The following TBC1D12 variants were observed in gnomAD, a reference collection of about 807,000 sequenced individuals.
The protein encoded by TBC1D12 is TBC1 domain family, member 12.
TBC1D12 carries 56 observed loss-of-function variants against 86.7 expected under a neutral mutation model. That is an observed-to-expected ratio of 0.65 (90% CI 0.52 to 0.81). The LOEUF is 0.81. Ranked by LOEUF, TBC1D12 falls within the 30% of genes least tolerant of loss-of-function variation. The pLI is 0.00. For missense variants in TBC1D12, 1,023 were observed against 1,038.8 expected (o/e 0.98, Z 0.21); for synonymous variants, 421 against 411.7 (o/e 1.02, Z -0.27).
rs756822838 is a variant in TBC1D12, at chr10:94,402,712, C to G, written c.99C>G (p.Ile33Met). 14 of 1,585,696 alleles carry G rather than the reference C, an allele frequency of 8.8e-6. No individual in the cohort carries two copies. Among genetic ancestry groups the G allele is most frequent in the South Asian group, 6.8e-5 (6 of 87,914 alleles). ...PDPVGQDRKV[I>M]RATGGFGGGV... Reference sequence around the variant, plus strand: ...CCGTGGGCCAGGACAGGAAGGTAATCCGGGCCACGGGCGGCTTTGGCGGAG... The same window carrying G: ...CCGTGGGCCAGGACAGGAAGGTAATGCGGGCCACGGGCGGCTTTGGCGGAG... Residue 33 changes from isoleucine to methionine, a missense_variant, in exon 1 of 13, where the codon ATC (isoleucine) becomes ATG (methionine). By Grantham distance (10) the Ile-to-Met change is conservative. Around this residue, in one of 2 missense-constraint regions of TBC1D12, gnomAD observed 628 missense variants for 531.1 expected, o/e 1.18. Transcript: ENST00000225235.
intron 1 of TBC1D12, among the ~76,000 whole-genome samples, chr10:94,427,071 A>G (rs2055156862): frequency 6.6e-6 from 1 of 152,238 alleles, no homozygotes; most frequent in African/African-American, 2.4e-5. Flanking sequence ...GATGAAATAC[A>G]TATGAAGGTA....
At chr10:94,495,503 C>T (rs1480072243) in intron 4 of TBC1D12, among the ~76,000 whole-genome samples, 1 of 152,114 alleles carries the variant, frequency 6.6e-6, no homozygotes, top group African/African-American at 2.4e-5. Flanking sequence ...AAAATTTTTA[C>T]TATATGATTA....
intron 1 of TBC1D12, among the ~76,000 whole-genome samples, chr10:94,433,568 G>A (rs188066713): frequency 2.6e-5 from 4 of 152,230 alleles, no homozygotes; most frequent in African/African-American, 9.6e-5. Context: ...GAATATGTTT[G>A]GTAAGGATTA....
chr10:94,508,601 G>A (rs934248706), intron 7 of TBC1D12: 11 of 152,030 alleles, frequency 7.2e-5, no homozygotes, highest in Admixed American at 5.9e-4. Context: ...ATTGTAGAAT[G>A]TTCACTTGGT....
intron 2 of TBC1D12, among the ~76,000 whole-genome samples, chr10:94,449,342 T>A (rs1308074779): frequency 1.3e-5 from 2 of 152,188 alleles, no homozygotes; most frequent in Non-Finnish European, 2.9e-5. Flanking sequence ...ACTACGGTAC[T>A]CTTATATGCC....
intron 2 of TBC1D12, among the ~76,000 whole-genome samples, chr10:94,459,392 C>T (rs897168721): frequency 6.6e-6 from 1 of 152,238 alleles, no homozygotes; most frequent in Admixed American, 6.5e-5. Flanking sequence ...CATAAAAGTT[C>T]TCCAAGTCCC....
At chr10:94,475,284 A>G (rs148559107) in intron 3 of TBC1D12, among the ~76,000 whole-genome samples, 5 of 152,290 alleles carry the variant, frequency 3.3e-5, no homozygotes, top group African/African-American at 7.2e-5. Context: ...CTTTTGTACT[A>G]TGTAACTACT....
rs569982314 is a variant in TBC1D12 at position 94,405,498 on chromosome 10, G to A, written c.971+1914G>A. On this transcript the variant is annotated intron_variant, in intron 1 of 12. Transcript: ENST00000225235. ...ATATAGTTGCAAAAATATATTTAAAGCTTGTACTGGCAGTATTCTAAAAGA... is the reference window on the plus strand; with the variant it reads ...ATATAGTTGCAAAAATATATTTAAAACTTGTACTGGCAGTATTCTAAAAGA... 5.5e-4 allele frequency among the ~76,000 whole-genome samples: 84 copies of A among 152,202 alleles called. 1 individual carries two copies. Among genetic ancestry groups the A allele is most frequent in the African/African-American group, 1.9e-3 (79 of 41,520 alleles).
intron 9 of TBC1D12, among the ~76,000 whole-genome samples, chr10:94,520,400 A>G (rs112629240): frequency 3.9e-5 from 6 of 152,116 alleles, no homozygotes; most frequent in Admixed American, 1.3e-4. Flanking sequence ...TAAAAATACA[A>G]AATTAGCCGG....
intron 6 of TBC1D12, among the ~76,000 whole-genome samples, chr10:94,506,686 A>G (rs2056464623): frequency 6.6e-6 from 1 of 152,232 alleles, no homozygotes; most frequent in Admixed American, 6.5e-5. Context: ...TTTGTTGGTG[A>G]CACACACCAA....
intron 3 of TBC1D12, among the ~76,000 whole-genome samples, chr10:94,481,275 AAG>A (rs541149904): frequency 6.6e-6 from 1 of 152,000 alleles, no homozygotes; most frequent in African/African-American, 2.4e-5. Flanking sequence ...CTGTCCTTTG[AAG>A]CAGGCATTGA....
chr10:94,478,880 A>G (rs11187973), intron 3 of TBC1D12, among the ~76,000 whole-genome samples: 67,559 of 151,936 alleles, frequency 0.44, 15,365 homozygotes, highest in East Asian at 0.79. Context: ...TCGCTTGAAC[A>G]CGGAAGGTGG....
intron 6 of TBC1D12, among the ~76,000 whole-genome samples, chr10:94,502,505 G>T (rs2056411273): frequency 6.6e-6 from 1 of 151,756 alleles, no homozygotes; most frequent in African/African-American, 2.4e-5. Flanking sequence ...AGGAGTTTGG[G>T]ACCAGCCTGG....
chr10:94,421,880 T>C (rs2055078833), intron 1 of TBC1D12, among the ~76,000 whole-genome samples: 1 of 152,224 alleles, frequency 6.6e-6, no homozygotes. Context: ...GGGCTGTGTG[T>C]GTTTTTGTTG....
intron 2 of TBC1D12, among the ~76,000 whole-genome samples, chr10:94,474,318 T>G (rs919842624): frequency 7.1e-6 from 1 of 141,562 alleles, no homozygotes; most frequent in East Asian, 2.1e-4. Context: ...ATATTTATAG[T>G]TTAGGTTGCT....
chr10:94,410,962 A>C (rs2134049546), intron 1 of TBC1D12, among the ~76,000 whole-genome samples: 1 of 152,306 alleles, frequency 6.6e-6, no homozygotes, highest in East Asian at 1.9e-4. Flanking sequence ...GTGGACCACA[A>C]ATATTTACTG....
At position 94,510,118 on chromosome 10, in the gene TBC1D12, G is replaced by C; in HGVS notation, c.1628G>C (p.Ser543Thr). 6.2e-7 allele frequency: 1 copy of C among 1,609,770 alleles called. No homozygotes were observed. Among genetic ancestry groups the C allele is most frequent in the Non-Finnish European group, 8.5e-7 (1 of 1,178,992 alleles). ...GTATCTGTTGCTGATCGAGAGGCCAGTCTGGAATTAATTAAGTTGGACATA... is the reference window on the plus strand; with the variant it reads ...GTATCTGTTGCTGATCGAGAGGCCACTCTGGAATTAATTAAGTTGGACATA... Reference protein sequence around the residue: ...EGVSVADREASLELIKLDISR... With the variant: ...EGVSVADREATLELIKLDISR... The change falls in exon 8 of 13, where the codon AGT becomes ACT. Residue 543 changes from serine to threonine, a missense_variant. By Grantham distance (58) the Ser-to-Thr change is moderately conservative. Coordinates refer to ENST00000225235, the MANE Select transcript of TBC1D12 (RefSeq NM_015188.2).
chr10:94,482,417 C>A lies in TBC1D12; in HGVS notation c.1211+7634C>A, dbSNP rs957717190. The stretch of plus-strand genomic sequence containing the variant: ...TTACATTATTATTGACTATAGTCAC[C>A]CTGTTGTACTATCAAATACTAGGTC... On this transcript the variant is annotated intron_variant, in intron 3 of 12. Transcript: ENST00000225235. Among the ~76,000 whole-genome samples the A allele has an allele frequency of 4.6e-5, 7 of 151,432 alleles. No individual in the cohort carries two copies. In the South Asian group the frequency reaches 1.3e-3, roughly 27 times the overall value.
intron 1 of TBC1D12, among the ~76,000 whole-genome samples, chr10:94,410,544 G>GT (rs939371078): frequency 1.3e-4 from 20 of 151,224 alleles, no homozygotes; most frequent in Middle Eastern, 6.9e-3. Flanking sequence ...CCCAGCCACA[G>GT]TTTTTTTTTG....
Sources: gnomAD v4.1 joint callset for allele counts (sites outside exome capture counted in the v4.1 genomes callset) on GRCh38, gnomAD v4.1.1 for gene constraint, gnomAD v4.1.1 regional missense constraint, MANE v1.5 for transcripts, NCBI Gene and HGNC (gene_info 2026-07-23, HGNC 2026-07-21) for gene names.